KIAA1755: variants seen among roughly 807,000 people sequenced by gnomAD.
KIAA1755 encodes the protein uncharacterized protein KIAA1755.
KIAA1755 carries 68 observed loss-of-function variants against 91.7 expected under a neutral mutation model. The observed-to-expected ratio is 0.74, with a 90% CI of 0.61 to 0.91. KIAA1755 has a LOEUF of 0.91. Among genes scored for constraint, KIAA1755 ranks in the 40% least tolerant of loss-of-function variants. The pLI is 0.00. For missense variants in KIAA1755, 1,535 were observed against 1,494.4 expected, an observed-to-expected ratio of 1.03 and a Z score of -0.45; for synonymous variants, 610 against 604.6, an observed-to-expected ratio of 1.01 and a Z score of -0.13.
Position 38,241,122 on chromosome 20 carries a change from A to G in KIAA1755, c.1009T>C (p.Cys337Arg), listed in dbSNP as rs1280133021. 6.2e-7 allele frequency: 1 copy of G among 1,614,054 alleles called. No individual in the cohort carries two copies. Among genetic ancestry groups the G allele is most frequent in the Admixed American group, 1.7e-5 (1 of 60,016 alleles). Residue 337 changes from cysteine to arginine, a missense_variant, in exon 3 of 14, where the codon TGC becomes CGC. Coordinates refer to ENST00000279024, the MANE Select transcript of KIAA1755 (RefSeq NM_001029864.2). ...NEGPSLGNRACTKPESSEERP... is the reference protein window; with the variant it reads ...NEGPSLGNRARTKPESSEERP... The stretch of plus-strand genomic sequence containing the variant: ...TCCTCAGAGCTTTCTGGCTTTGTGC[A>G]AGCCCGATTTCCCAAGGAAGGTCCT...
chr20:38,227,222 T>G lies in KIAA1755; in HGVS notation c.1984A>C (p.Ile662Leu). 1 of 1,613,836 alleles carries G rather than the reference T, an allele frequency of 6.2e-7. No homozygotes were observed. Among genetic ancestry groups the G allele is most frequent in the Non-Finnish European group, 8.5e-7 (1 of 1,179,848 alleles). The change falls in exon 7 of 14, where the codon ATC becomes CTC. Residue 662 changes from isoleucine to leucine, a missense_variant. Transcript: ENST00000279024. ...QATQAQVPAS[I>L]RAILFLGEKE... ...TCCCCCAGGAAGAGAATAGCCCGGA[T>G]AGAGGCTGGGACCTGAGCCTGTCAA...
intron 11 of KIAA1755, among the ~76,000 whole-genome samples, chr20:38,218,705 AG>A (rs531325745): frequency 1.2e-3 from 182 of 152,324 alleles, no homozygotes; most frequent in African/African-American, 4.2e-3. Flanking sequence ...GGGTGGCCTC[AG>A]GGGTGATGAG....
Position 38,241,800 on chromosome 20 carries a change from G to C in KIAA1755, c.331C>G (p.Pro111Ala). 1 of 1,614,188 alleles carries C rather than the reference G, an allele frequency of 6.2e-7. No individual in the cohort carries two copies. Among genetic ancestry groups the C allele is most frequent in the Non-Finnish European group, 8.5e-7 (1 of 1,180,030 alleles). ...ATGCAGACAGACTGCTCCTCCTGGG[G>C]CTCCACTTGGAGGTAGAAGTCACCC... ...RQGDFYLQVE[P>A]QEEQSVCIMI... The change falls in exon 3 of 14, where the codon CCC (proline) becomes GCC (alanine). Residue 111 changes from proline to alanine, a missense_variant. By Grantham distance (27) the Pro-to-Ala change is conservative (BLOSUM62 -1). Coordinates refer to ENST00000279024, the MANE Select transcript of KIAA1755 (RefSeq NM_001029864.2).
intron 9 of KIAA1755, 91 bp downstream of exon 9, chr20:38,223,447 C>T (rs981429946): frequency 1.4e-5 from 12 of 839,238 alleles, no homozygotes; most frequent in Non-Finnish European, 2.1e-5. Flanking sequence ...TGTCCTCCCC[C>T]TTTTCCCCAG....
chr20:38,223,962 G>A (rs567925573), intron 8 of KIAA1755, among the ~76,000 whole-genome samples: 60 of 152,240 alleles, frequency 3.9e-4, no homozygotes, highest in African/African-American at 1.4e-3. Flanking sequence ...AGGCCTGAGC[G>A]ACTCCCAGGC....
Position 38,213,403 on chromosome 20 carries a change from C to T in KIAA1755, c.3242G>A (p.Ser1081Asn), listed in dbSNP as rs1337801743. The T allele has an allele frequency of 6.2e-7, 1 of 1,600,870 alleles. No individual in the cohort carries two copies. Among genetic ancestry groups the T allele is most frequent in the Non-Finnish European group, 8.5e-7 (1 of 1,173,334 alleles). Reference sequence around the variant, plus strand: ...CCTCCCCTTGGAAGTGACCTCTACACTCACACCCTGGCCCTTGGCTGCCAC... The same window carrying T: ...CCTCCCCTTGGAAGTGACCTCTACATTCACACCCTGGCCCTTGGCTGCCAC... ...RGVAAKGQGV[S>N]VEVTSKGRWD... The change falls in exon 14 of 14, where the codon AGT (serine) becomes AAT (asparagine). Residue 1081 changes from serine (S) to asparagine (N), a missense_variant. Transcript: ENST00000279024.
At chr20:38,218,398 G>A (rs1311267150) in intron 11 of KIAA1755, 32 bp from the exon 12 acceptor site, 1 of 1,612,060 alleles carries the variant, frequency 6.2e-7, no homozygotes, top group East Asian at 2.2e-5. Context: ...TGGACATGAG[G>A]GGCTGCTAGG....
At chr20:38,223,713 G>A in intron 8 of KIAA1755, 77 bp from the exon 9 acceptor site, 1 of 1,089,056 alleles carries the variant, frequency 9.2e-7, no homozygotes, top group Non-Finnish European at 1.3e-6. Flanking sequence ...CAGGAGCACA[G>A]AGGGGAGGTG....
chr20:38,223,576 C>G lies in KIAA1755; in HGVS notation c.2230G>C (p.Glu744Gln), dbSNP rs139388351. The stretch of plus-strand genomic sequence containing the variant: ...GGGGGGTCGGCCTTCTCGAATTCCT[C>G]GATGGAAGCTTGTAGCAGGGAAGAG... ...QASSLLQASI[E>Q]EFEKADPPGG... Residue 744 changes from glutamate to glutamine, a missense_variant, in exon 9 of 14, where the codon GAG (glutamate) becomes CAG (glutamine). Coordinates refer to ENST00000279024, the MANE Select transcript of KIAA1755 (RefSeq NM_001029864.2). 6.2e-7 allele frequency: 1 copy of G among 1,600,974 alleles called. No homozygotes were observed. The highest frequency in any genetic ancestry group is 8.5e-7 in the Non-Finnish European group (1 of 1,174,994).
intron 1 of KIAA1755, among the ~76,000 whole-genome samples, chr20:38,251,627 G>C (rs1346985169): frequency 6.7e-6 from 1 of 148,906 alleles, no homozygotes. Flanking sequence ...GTACAGTGAT[G>C]CAATCTTGGC....
At chr20:38,215,459 C>A (rs910621822) in intron 13 of KIAA1755, among the ~76,000 whole-genome samples, 3 of 152,130 alleles carry the variant, frequency 2.0e-5, no homozygotes, top group Non-Finnish European at 4.4e-5. Flanking sequence ...GAGCTCGCCT[C>A]GCAGGCACCA....
chr20:38,234,758 C>T (rs2075929289), intron 4 of KIAA1755, among the ~76,000 whole-genome samples: 1 of 152,216 alleles, frequency 6.6e-6, no homozygotes, highest in African/African-American at 2.4e-5. Flanking sequence ...CTGCCTGGAA[C>T]AGGGCCCTGC....
intron 4 of KIAA1755, among the ~76,000 whole-genome samples, chr20:38,235,629 G>A (rs2075946947): frequency 6.6e-6 from 1 of 152,150 alleles, no homozygotes; most frequent in Non-Finnish European, 1.5e-5. Context: ...GCAAGGAAAT[G>A]GAGTCTCCCT....
At chr20:38,247,380 C>T (rs987857957) in intron 1 of KIAA1755, among the ~76,000 whole-genome samples, 5 of 152,146 alleles carry the variant, frequency 3.3e-5, no homozygotes, top group Non-Finnish European at 7.3e-5. Context: ...GAGGCCACCG[C>T]ACATGCAGTG....
intron 3 of KIAA1755, among the ~76,000 whole-genome samples, chr20:38,239,954 T>A (rs1185578122): frequency 6.6e-6 from 1 of 152,116 alleles, no homozygotes; most frequent in African/African-American, 2.4e-5. Context: ...TGGAATGCAG[T>A]GGCATGAACA....
chr20:38,246,013 G>T lies in KIAA1755; in HGVS notation c.117C>A (p.Gly39=). ...GGAAGCTCAGCCCATCCCCCTGGAA[G>T]CCAGAGTCCAGGAGACGGAACACCT... ...LGQVFRLLDS[G]FQGDGLSFLL... is the part of the protein sequence containing the mutation. The change falls in exon 2 of 14, where the codon GGC becomes GGA. Residue 39 remains glycine, a synonymous_variant. Transcript: ENST00000279024. 3 of 1,614,200 alleles carry T rather than the reference G, an allele frequency of 1.9e-6. No individual in the cohort carries two copies. Among genetic ancestry groups the T allele is most frequent in the Non-Finnish European group, 2.5e-6 (3 of 1,180,020 alleles).
At chr20:38,251,588 C>CA (rs2076250084) in intron 1 of KIAA1755, among the ~76,000 whole-genome samples, 1 of 142,678 alleles carries the variant, frequency 7.0e-6, no homozygotes, top group Admixed American at 7.2e-5. Flanking sequence ...TTTTTTGAGA[C>CA]AGAGTCTCAC....
At chr20:38,220,828 G>A (rs1049260336) in intron 10 of KIAA1755, among the ~76,000 whole-genome samples, 6 of 152,226 alleles carry the variant, frequency 3.9e-5, no homozygotes, top group Non-Finnish European at 8.8e-5. Flanking sequence ...CAAGGGAGGG[G>A]AATCGACTTG....
At chr20:38,250,512 C>CTG (rs3080901) in intron 1 of KIAA1755, among the ~76,000 whole-genome samples, 19,780 of 138,780 alleles carry the variant, frequency 0.14, 1,769 homozygotes, top group Admixed American at 0.28. Flanking sequence ...GTGTGTGTGT[C>CTG]TGTGTGTGTG....
Sources: allele counts gnomAD v4.1 joint callset (sites outside exome capture counted in the v4.1 genomes callset), GRCh38; gene constraint gnomAD v4.1.1; transcripts MANE v1.5; gene names NCBI Gene and HGNC (gene_info 2026-07-23, HGNC 2026-07-21).